RNGTT: variants seen among roughly 807,000 people sequenced by gnomAD.
The protein encoded by RNGTT is mRNA-capping enzyme.
RNGTT carries 33 observed loss-of-function variants against 79.3 expected under a neutral mutation model. The observed-to-expected ratio is 0.42, with a 90% CI of 0.32 to 0.56. The LOEUF (loss-of-function observed/expected upper bound fraction) is 0.56, where lower values mean the gene tolerates loss of function less well. Ranked by LOEUF, RNGTT falls within the 20% of genes least tolerant of loss-of-function variation. The pLI is 0.17. For synonymous variants in RNGTT, 222 were observed against 235.9 expected, an observed-to-expected ratio of 0.94 and a Z score of 0.54; for missense variants, 497 against 739.1, an observed-to-expected ratio of 0.67 and a Z score of 3.80.
intron 13 of RNGTT, among the ~76,000 whole-genome samples, chr6:88,696,552 A>G (rs893606665): frequency 6.6e-6 from 1 of 151,478 alleles, no homozygotes; most frequent in African/African-American, 2.4e-5. Context: ...CATATTCATA[A>G]ATTCTCATCT....
At chr6:88,725,019 G>A (rs1776841257) in intron 13 of RNGTT, among the ~76,000 whole-genome samples, 1 of 152,104 alleles carries the variant, frequency 6.6e-6, no homozygotes, top group Non-Finnish European at 1.5e-5. Flanking sequence ...CATGTGTAAG[G>A]GCACACCCTT....
chr6:88,678,244 A>T, intron 14 of RNGTT, 109 bp downstream of exon 14: 1 of 1,447,428 alleles, frequency 6.9e-7, no homozygotes, highest in Middle Eastern at 1.9e-4. Flanking sequence ...TAGCCTCCCA[A>T]AGTGCTGGAA....
At chr6:88,630,621 T>G (rs1428888051) in intron 14 of RNGTT, among the ~76,000 whole-genome samples, 2 of 152,112 alleles carry the variant, frequency 1.3e-5, no homozygotes, top group African/African-American at 4.8e-5. Context: ...AATCCTGATA[T>G]ATGAGCTCTG....
At position 88,844,416 on chromosome 6, in the gene RNGTT, T is replaced by G; in HGVS notation, c.1210A>C (p.Thr404Pro). The G allele has an allele frequency of 5.0e-6, 8 of 1,614,134 alleles. No homozygotes were observed. Among genetic ancestry groups the G allele is most frequent in the Non-Finnish European group, 5.9e-6 (7 of 1,179,978 alleles). ...EKMKTGLIDK[T>P]QEPFSVRNKP... Reference sequence around the variant, plus strand: ...TTTCTGACGCTAAATGGTTCCTGTGTTTTGTCAATGAGCCCAGTCTTCATT... The same window carrying G: ...TTTCTGACGCTAAATGGTTCCTGTGGTTTGTCAATGAGCCCAGTCTTCATT... Residue 404 changes from threonine (T) to proline (P), a missense_variant, in exon 11 of 16, where the codon ACA becomes CCA. Transcript: ENST00000369485.
At chr6:88,787,665 CAA>C (rs59210363) in intron 12 of RNGTT, among the ~76,000 whole-genome samples, 20,649 of 133,090 alleles carry the variant, frequency 0.16, 1,534 homozygotes, top group Middle Eastern at 0.26. Flanking sequence ...ATTTCAAAAA[CAA>C]AAAAAAAAAA....
In RNGTT at chr6:88,941,100, T is replaced by C. The variant is rs1184457844; in HGVS notation, c.145A>G (p.Met49Val). The change falls in exon 2 of 16, where the codon ATG (methionine) becomes GTG (valine). Residue 49 changes from methionine to valine, a missense_variant. Physicochemically the swap from Met to Val is conservative, Grantham distance 21. Coordinates refer to ENST00000369485, the MANE Select transcript of RNGTT (RefSeq NM_003800.5). The part of the protein sequence containing the change: ...VAEENRFHPS[M>V]LSNYLKSLKV... Reference sequence around the variant, plus strand: ...AGGCTCTTTAGGTAATTTGAGAGCATGCTGGGATGGAACCGATTTTCTTCA... The same window carrying C: ...AGGCTCTTTAGGTAATTTGAGAGCACGCTGGGATGGAACCGATTTTCTTCA... 1 of 1,612,872 alleles carries C rather than the reference T, an allele frequency of 6.2e-7. No homozygotes were observed. Among genetic ancestry groups the C allele is most frequent in the South Asian group, 1.1e-5 (1 of 91,016 alleles).
At position 88,639,571 on chromosome 6, in the gene RNGTT, T is replaced by C. The variant is rs927260552; in HGVS notation, c.1507-25176A>G. Among the ~76,000 whole-genome samples the C allele has an allele frequency of 2.0e-5, 3 of 152,196 alleles. No homozygotes were observed. In the East Asian group the frequency reaches 5.8e-4, roughly 29 times the overall value. On this transcript the variant is annotated intron_variant, in intron 14 of 15. Coordinates refer to ENST00000369485, the MANE Select transcript of RNGTT (RefSeq NM_003800.5). ...GGAATGCTCCTGCCCAGAAATTGGC[T>C]CATACTTCCCTTATAGTTCTTGCTG...
intron 13 of RNGTT, among the ~76,000 whole-genome samples, chr6:88,754,400 C>T (rs1334991965): frequency 6.6e-6 from 1 of 152,156 alleles, no homozygotes; most frequent in Non-Finnish European, 1.5e-5. Context: ...TAAGATGAAA[C>T]ACTTTACAGA....
chr6:88,645,427 C>T (rs1357859627), intron 14 of RNGTT, among the ~76,000 whole-genome samples: 2 of 152,148 alleles, frequency 1.3e-5, no homozygotes, highest in African/African-American at 4.8e-5. Context: ...GGCCATACTG[C>T]CCAAAGTAAT....
chr6:88,740,896 T>TA (rs1443617550), intron 13 of RNGTT, among the ~76,000 whole-genome samples: 4 of 151,910 alleles, frequency 2.6e-5, no homozygotes, highest in African/African-American at 7.3e-5. Context: ...GTAAAATTTT[T>TA]AAAAAAAAGA....
chr6:88,932,119 C>A (rs890440015), intron 2 of RNGTT, among the ~76,000 whole-genome samples: 1 of 152,112 alleles, frequency 6.6e-6, no homozygotes, highest in Non-Finnish European at 1.5e-5. Flanking sequence ...TAATAATTAA[C>A]AGCCCTGGGA....
At chr6:88,896,435 C>T (rs1270200731) in intron 6 of RNGTT, among the ~76,000 whole-genome samples, 1 of 152,172 alleles carries the variant, frequency 6.6e-6, no homozygotes, top group African/African-American at 2.4e-5. Flanking sequence ...AAAATTATAA[C>T]AGGTTACCTT....
At chr6:88,747,135 T>G (rs562743328) in intron 13 of RNGTT, among the ~76,000 whole-genome samples, 1 of 152,330 alleles carries the variant, frequency 6.6e-6, no homozygotes, top group South Asian at 2.1e-4. Context: ...GAACTTCCTT[T>G]GCCTGGCAAA....
intron 13 of RNGTT, among the ~76,000 whole-genome samples, chr6:88,731,896 A>G (rs1777128846): frequency 6.6e-6 from 1 of 152,320 alleles, no homozygotes; most frequent in Admixed American, 6.5e-5. Context: ...TGTATTATAT[A>G]CTATATTCTT....
In RNGTT at chr6:88,901,495, C is replaced by CTTTTTTTTTTTTTT. The variant is rs71024314; in HGVS notation, c.684+3206_684+3219dup. On this transcript the variant is annotated intron_variant, in intron 6 of 15. Coordinates refer to ENST00000369485, the MANE Select transcript of RNGTT (RefSeq NM_003800.5). ...AAAAATAACTGTCAAGCACCCTGATCTTTTTTTTTTTTTTTTTTTTTTTTT... is the reference window on the plus strand; with the variant it reads ...AAAAATAACTGTCAAGCACCCTGATCTTTTTTTTTTTTTTTTTTTTTTTTTTTTTTTTTTTTTTT... Among the ~76,000 whole-genome samples, 282 of 65,810 alleles carry CTTTTTTTTTTTTTT rather than the reference C, an allele frequency of 4.3e-3. 36 individuals carry two copies. The highest frequency in any genetic ancestry group is 5.6e-3 in the Non-Finnish European group (204 of 36,368). The allele number at this position is 65,810 out of a possible 152,430, so 43.2% of individuals were successfully genotyped here. A position where few individuals can be genotyped will look rare whatever the true frequency, so the allele number is the denominator to read the frequency against.
At chr6:88,707,488 TA>T (rs1431424238) in intron 13 of RNGTT, among the ~76,000 whole-genome samples, 12 of 152,126 alleles carry the variant, frequency 7.9e-5, no homozygotes, top group Admixed American at 7.9e-4. Flanking sequence ...TGAACACTAT[TA>T]CACTTGGTTC....
chr6:88,765,812 T>C (rs898077760), intron 13 of RNGTT, among the ~76,000 whole-genome samples: 34 of 152,180 alleles, frequency 2.2e-4, no homozygotes, highest in African/African-American at 8.2e-4. Context: ...AAAACCTCTA[T>C]AATGAAAAGT....
At chr6:88,895,227 C>CTGTGTG (rs1491242715) in intron 6 of RNGTT, among the ~76,000 whole-genome samples, 17 of 101,534 alleles carry the variant, frequency 1.7e-4, no homozygotes, top group African/African-American at 2.9e-4. Context: ...TGAGAGAGAG[C>CTGTGTG]TCTGTGTGTG....
In RNGTT at chr6:88,612,902, G is replaced by C; in HGVS notation, c.1631-20C>G. 1.2e-6 allele frequency: 2 copies of C among 1,608,754 alleles called. No individual in the cohort carries two copies. The highest frequency in any genetic ancestry group is 1.7e-6 in the Non-Finnish European group (2 of 1,176,640). On this transcript the variant is annotated intron_variant, in intron 15 of 15. Transcript: ENST00000369485. ...ACACAGCTGTGGACAAAGGGAGACA[G>C]GTCTCATGTGAGGGTTAATTAAGGC...
Sources: gnomAD v4.1 joint callset for allele counts (sites outside exome capture counted in the v4.1 genomes callset) on GRCh38, gnomAD v4.1.1 for gene constraint, MANE v1.5 for transcripts, NCBI Gene and HGNC (gene_info 2026-07-23, HGNC 2026-07-21) for gene names.